Variants in SCLT1 observed in about 807,000 individuals in gnomAD.
SCLT1 encodes the protein sodium channel-associated protein 1.
A neutral mutation model predicts 112.8 loss-of-function variants in SCLT1; 78 were observed. The ratio of observed to expected loss-of-function variants is 0.69; its 90% CI spans 0.58 to 0.83. The LOEUF (loss-of-function observed/expected upper bound fraction) is 0.83. Ranked by LOEUF, SCLT1 falls within the 40% of genes least tolerant of loss-of-function variation. The probability of loss-of-function intolerance (pLI) is 0.00; values close to 1 mark genes in which losing one functional copy is unlikely to be tolerated. For missense variants in SCLT1, 747 were observed against 770.4 expected, an observed-to-expected ratio of 0.97 and a Z score of 0.36; for synonymous variants, 257 against 254.7, an observed-to-expected ratio of 1.01 and a Z score of -0.09.
At chr4:129,027,246 C>A (rs1197840970) in intron 5 of SCLT1, among the ~76,000 whole-genome samples, 6 of 151,980 alleles carry the variant, frequency 3.9e-5, no homozygotes, top group African/African-American at 1.2e-4. Flanking sequence ...GAGACACAAC[C>A]AAAAAAGAGA....
chr4:128,960,100 T>G (rs1739554703), intron 11 of SCLT1, among the ~76,000 whole-genome samples: 1 of 152,190 alleles, frequency 6.6e-6, no homozygotes, highest in African/African-American at 2.4e-5. Flanking sequence ...ATTATATAGT[T>G]ACATGACAAT....
chr4:129,064,916 C>G (rs1383740626), intron 2 of SCLT1, among the ~76,000 whole-genome samples: 1 of 152,112 alleles, frequency 6.6e-6, no homozygotes, highest in African/African-American at 2.4e-5. Context: ...ATTTTGGCAA[C>G]TGCTCCATAT....
intron 16 of SCLT1, 37 bp downstream of exon 16, chr4:128,945,970 A>G: frequency 6.9e-7 from 1 of 1,457,978 alleles, no homozygotes; most frequent in Non-Finnish European, 9.5e-7. Flanking sequence ...GTGAATTCTG[A>G]AGATGTTATC....
chr4:129,048,780 CAAGAA>C (rs925696328), intron 2 of SCLT1, among the ~76,000 whole-genome samples: 2 of 151,994 alleles, frequency 1.3e-5, no homozygotes, highest in African/African-American at 4.8e-5. Flanking sequence ...AACAAATTTA[CAAGAA>C]AAAAACAAAT....
At chr4:128,928,330 C>T (rs1736466477) in intron 18 of SCLT1, among the ~76,000 whole-genome samples, 1 of 152,084 alleles carries the variant, frequency 6.6e-6, no homozygotes, top group African/African-American at 2.4e-5. Flanking sequence ...CAGTCAATCT[C>T]TCTCATGAAC....
chr4:129,053,013 TCA>T (rs1561022116), intron 2 of SCLT1, among the ~76,000 whole-genome samples: 1 of 152,192 alleles, frequency 6.6e-6, no homozygotes, highest in East Asian at 1.9e-4. Context: ...AGCAGGTTGT[TCA>T]GTTTCCATAT....
At chr4:128,961,812 A>G (rs534394375) in intron 11 of SCLT1, among the ~76,000 whole-genome samples, 1 of 152,248 alleles carries the variant, frequency 6.6e-6, no homozygotes, top group Admixed American at 6.5e-5. Context: ...AACAAATAGT[A>G]TAATATTAAA....
chr4:129,010,060 C>T (rs930458912), intron 5 of SCLT1, among the ~76,000 whole-genome samples: 3 of 152,148 alleles, frequency 2.0e-5, no homozygotes, highest in African/African-American at 7.2e-5. Flanking sequence ...AGTTGTCTTC[C>T]AGGGTTTTTA....
chr4:128,898,185 T>TA (rs1733947196), intron 18 of SCLT1, among the ~76,000 whole-genome samples: 1 of 152,214 alleles, frequency 6.6e-6, no homozygotes, highest in Non-Finnish European at 1.5e-5. Flanking sequence ...AATAGACATC[T>TA]ACACAACTCT....
chr4:129,079,540 G>T (rs1751753804), intron 2 of SCLT1, among the ~76,000 whole-genome samples: 1 of 152,192 alleles, frequency 6.6e-6, no homozygotes, highest in African/African-American at 2.4e-5. Flanking sequence ...GATGCAAGGG[G>T]TGGGCTCCCA....
At position 128,999,040 on chromosome 4, in the gene SCLT1, T is replaced by C. The variant is rs72924117; in HGVS notation, c.549+632A>G. Among the ~76,000 whole-genome samples, 622 of 152,090 alleles carry C rather than the reference T, an allele frequency of 4.1e-3. 3 individuals are homozygous for C. The highest frequency in any genetic ancestry group is 0.014 in the African/African-American group (578 of 41,570). On this transcript the variant is annotated intron_variant, in intron 7 of 20. Transcript: ENST00000281142. ...GAGGTAGATTTCCAAATGGAATAGA[T>C]GGCCTTGTGAGATAATGAGTTCTTG...
intron 14 of SCLT1, 197 bp downstream of exon 14, chr4:128,952,572 C>T (rs1020631451): frequency 3.2e-5 from 19 of 593,746 alleles, no homozygotes; most frequent in Non-Finnish European, 4.8e-5. Context: ...GTGATAAATG[C>T]CATCTATCTT....
intron 18 of SCLT1, among the ~76,000 whole-genome samples, chr4:128,933,596 A>AGTCC (rs1736949389): frequency 6.6e-6 from 1 of 152,208 alleles, no homozygotes; most frequent in African/African-American, 2.4e-5. Context: ...TTTTCCAAAG[A>AGTCC]GTCCTAGTTT....
chr4:128,996,601 C>A (rs1026513232), intron 8 of SCLT1, among the ~76,000 whole-genome samples: 1 of 152,074 alleles, frequency 6.6e-6, no homozygotes, highest in African/African-American at 2.4e-5. Context: ...GTTTGCTATT[C>A]ATTATATACA....
At chr4:128,891,846 T>A (rs575528037) in intron 18 of SCLT1, among the ~76,000 whole-genome samples, 2 of 152,220 alleles carry the variant, frequency 1.3e-5, no homozygotes, top group South Asian at 2.1e-4. Context: ...GGTTTCACCA[T>A]GTTGCCAAGG....
chr4:128,920,596 T>C (rs545268196), intron 18 of SCLT1, among the ~76,000 whole-genome samples: 1 of 152,342 alleles, frequency 6.6e-6, no homozygotes, highest in Admixed American at 6.5e-5. Context: ...GAAAAGGCTT[T>C]TAATAAAATT....
At position 128,960,262 on chromosome 4, in the gene SCLT1, T is replaced by C. The variant is rs1440494832; in HGVS notation, c.870-485A>G. Among the ~76,000 whole-genome samples the C allele has an allele frequency of 3.9e-5, 6 of 152,260 alleles. No homozygotes were observed. In the East Asian group the frequency reaches 1.2e-3, roughly 29 times the overall value. ...TTTTCTCAATATTCATATGATCATA[T>C]GTACATATATATATATACTCATACA... On this transcript the variant is annotated intron_variant, in intron 11 of 20. Transcript: ENST00000281142.
At chr4:129,064,617 A>C (rs1355123860) in intron 2 of SCLT1, among the ~76,000 whole-genome samples, 2 of 152,190 alleles carry the variant, frequency 1.3e-5, no homozygotes, top group African/African-American at 4.8e-5. Context: ...TAGAGGAATA[A>C]GGAAAAGTAC....
chr4:129,047,403 A>C (rs767315666), intron 2 of SCLT1, among the ~76,000 whole-genome samples: 58 of 152,116 alleles, frequency 3.8e-4, no homozygotes, highest in Non-Finnish European at 7.1e-4. Flanking sequence ...CCAATACCAT[A>C]CTAACCAAAT....
Sources: gnomAD v4.1 joint callset for allele counts (sites outside exome capture counted in the v4.1 genomes callset) on GRCh38, gnomAD v4.1.1 for gene constraint, MANE v1.5 for transcripts, NCBI Gene and HGNC (gene_info 2026-07-23, HGNC 2026-07-21) for gene names.